The following ZNF567 variants were observed in gnomAD, a reference collection of about 807,000 sequenced individuals.
ZNF567 encodes zinc finger protein 567.
In ZNF567, 36 loss-of-function variants were observed where a neutral mutation model predicts 53.9. That is an observed-to-expected ratio of 0.67 (90% CI 0.51 to 0.88). The LOEUF (loss-of-function observed/expected upper bound fraction) is 0.88, where lower values mean the gene tolerates loss of function less well. Ranked by LOEUF, ZNF567 falls within the 40% of genes least tolerant of loss-of-function variation. ZNF567 has a pLI of 0.00. For synonymous variants in ZNF567, 224 were observed against 260.4 expected (o/e 0.86, Z 1.35); for missense variants, 619 against 764.7 (o/e 0.81, Z 2.25).
downstream of ZNF567, among the ~76,000 whole-genome samples, chr19:36,721,747 T>TC (rs2040304905): frequency 2.3e-5 from 3 of 131,146 alleles, no homozygotes; most frequent in African/African-American, 1.1e-4. Context: ...TTTTTTTCTT[T>TC]TTTTTTTTTT....
intron 3 of ZNF567, among the ~76,000 whole-genome samples, chr19:36,695,401 C>T (rs1242280406): frequency 1.3e-5 from 2 of 151,616 alleles, no homozygotes; most frequent in East Asian, 1.9e-4. Context: ...TGGTGGCAGG[C>T]GCCTGTAATC....
At chr19:36,718,326 C>T (rs1321922599) in intron 5 of ZNF567, among the ~76,000 whole-genome samples, 2 of 152,080 alleles carry the variant, frequency 1.3e-5, no homozygotes, top group South Asian at 2.1e-4. Context: ...GGTGAAACCC[C>T]GTCTCTACTA....
intron 3 of ZNF567, among the ~76,000 whole-genome samples, chr19:36,701,863 T>C (rs1207517733): frequency 7.0e-5 from 4 of 57,104 alleles, no homozygotes; most frequent in African/African-American, 3.2e-4. Context: ...CACTGATGGG[T>C]CTTGACTCTA....
intron 3 of ZNF567, among the ~76,000 whole-genome samples, chr19:36,705,205 A>G (rs1473387912): frequency 6.6e-6 from 1 of 151,824 alleles, no homozygotes; most frequent in East Asian, 1.9e-4. Flanking sequence ...CTCCTCTTTT[A>G]TTTTGTATTT....
At chr19:36,684,564 CACA>C (rs1167870174), upstream of ZNF567, among the ~76,000 whole-genome samples, 1 of 152,118 alleles carries the variant, frequency 6.6e-6, no homozygotes, top group Non-Finnish European at 1.5e-5. Flanking sequence ...AGATTTTATA[CACA>C]ACGAGTTCCT....
At chr19:36,725,675 G>A (rs2040332847), downstream of ZNF567, among the ~76,000 whole-genome samples, 1 of 152,118 alleles carries the variant, frequency 6.6e-6, no homozygotes, top group Non-Finnish European at 1.5e-5. Context: ...GAGAGGGGAT[G>A]TCTTGCTCTC....
chr19:36,695,003 A>T, intron 3 of ZNF567, 127 bp downstream of exon 3: 1 of 1,019,964 alleles, frequency 9.8e-7, no homozygotes, highest in Non-Finnish European at 1.4e-6. Context: ...ACTGGTCCTC[A>T]CTTCTTCCCA....
At chr19:36,708,263 A>C (rs1475997091) in intron 3 of ZNF567, among the ~76,000 whole-genome samples, 1 of 152,034 alleles carries the variant, frequency 6.6e-6, no homozygotes, top group Non-Finnish European at 1.5e-5. Context: ...TTCCCTCATG[A>C]ATATTAGTCC....
At chr19:36,695,331 C>A (rs993299501) in intron 3 of ZNF567, among the ~76,000 whole-genome samples, 2 of 151,906 alleles carry the variant, frequency 1.3e-5, no homozygotes, top group Non-Finnish European at 2.9e-5. Flanking sequence ...AAGTTTGAGA[C>A]CAGCCTGGCC....
chr19:36,712,782 G>T lies in ZNF567; in HGVS notation c.138G>T (p.Gly46=), dbSNP rs2039856202. The change falls in exon 5 of 6, where the codon GGG becomes GGT. Residue 46 remains glycine, a splice_region_variant and synonymous_variant. Coordinates refer to ENST00000682579, the MANE Select transcript of ZNF567 (RefSeq NM_001322917.1). The part of the protein sequence containing the change: ...LENYCHLISV[G]CHMTKPDVIL... ...TTAAGTCTTTTTTTCACTTTTCAGG[G>T]TGTCACATGACCAAACCTGATGTGA... 8.7e-6 allele frequency: 14 copies of T among 1,612,316 alleles called. No homozygotes were observed. The highest frequency in any genetic ancestry group is 1.7e-4 in the Middle Eastern group (1 of 6,058).
intron 3 of ZNF567, among the ~76,000 whole-genome samples, chr19:36,709,326 C>T (rs527387364): frequency 1.3e-5 from 2 of 152,240 alleles, no homozygotes; most frequent in Non-Finnish European, 2.9e-5. Flanking sequence ...GCTAAAATAG[C>T]AGAAGACATT....
At chr19:36,689,221 A>C (rs1383082385) in intron 1 of ZNF567, among the ~76,000 whole-genome samples, 176 bp from the exon 2 acceptor site, 2 of 149,800 alleles carry the variant, frequency 1.3e-5, no homozygotes, top group Non-Finnish European at 3.0e-5. Flanking sequence ...GCCACTCTCA[A>C]AATTCCTATT....
chr19:36,708,143 G>A (rs987420398), intron 3 of ZNF567, among the ~76,000 whole-genome samples: 4 of 152,042 alleles, frequency 2.6e-5, no homozygotes, highest in Non-Finnish European at 4.4e-5. Flanking sequence ...TCCTGTCTCA[G>A]CTTCCCAGAG....
chr19:36,724,681 CA>C (rs577726722), downstream of ZNF567, among the ~76,000 whole-genome samples: 113 of 117,262 alleles, frequency 9.6e-4, no homozygotes, highest in Non-Finnish European at 1.2e-3. Context: ...GACTTCATCT[CA>C]AAAAAAAAAA....
intron 5 of ZNF567, among the ~76,000 whole-genome samples, chr19:36,714,174 G>GT (rs2039929020): frequency 6.6e-6 from 1 of 151,668 alleles, no homozygotes; most frequent in South Asian, 2.1e-4. Context: ...TTTTGTTTTT[G>GT]TTTTTGAGAT....
At chr19:36,678,775 C>T in the ZNF567 span, among the ~76,000 whole-genome samples, 4 of 150,934 alleles carry the variant, frequency 2.7e-5, no homozygotes, top group South Asian at 2.1e-4. Context: ...ACCTGGGAGG[C>T]GGAGCTTGCA....
At chr19:36,681,140 C>A in the ZNF567 span, among the ~76,000 whole-genome samples, 3 of 152,002 alleles carry the variant, frequency 2.0e-5, no homozygotes, top group Non-Finnish European at 2.9e-5. Context: ...TTCCCCCTCT[C>A]CCCCTGCCAA....
At chr19:36,721,682 A>C (rs996947683), downstream of ZNF567, among the ~76,000 whole-genome samples, 1 of 151,808 alleles carries the variant, frequency 6.6e-6, no homozygotes, top group South Asian at 2.1e-4. Flanking sequence ...TACAAGAGAA[A>C]GGGACATTGA....
In ZNF567 at chr19:36,712,867, G is replaced by T. The variant is rs765420109; in HGVS notation, c.223G>T (p.Glu75Ter). Residue 75 changes from glutamate to a stop codon, truncating the protein, a stop_gained and splice_region_variant, in exon 5 of 6, where the codon GAA becomes TAA. Coordinates refer to ENST00000682579, the MANE Select transcript of ZNF567 (RefSeq NM_001322917.1). LOFTEE classifies it high-confidence loss of function. ...ATCATTTGCAGGTCATACCTGCTTG[G>T]GTGAGTTTCTGGCTCTTAGGCAGAC... ...WTSFAGHTCL[E>*]ENWKAEDFLV... 4 of 1,612,320 alleles carry T rather than the reference G, an allele frequency of 2.5e-6. No homozygotes were observed. Among genetic ancestry groups the T allele is most frequent in the Non-Finnish European group, 8.5e-7 (1 of 1,178,886 alleles).
Sources: gnomAD v4.1 joint callset for allele counts (sites outside exome capture counted in the v4.1 genomes callset) on GRCh38, gnomAD v4.1.1 for gene constraint, MANE v1.5 for transcripts, NCBI Gene and HGNC (gene_info 2026-07-23, HGNC 2026-07-21) for gene names.